Variants in UBE2H observed in about 807,000 individuals in gnomAD.
UBE2H encodes ubiquitin conjugating enzyme E2 H.
UBE2H carries 3 observed loss-of-function variants against 29.0 expected under a neutral mutation model. The ratio of observed to expected loss-of-function variants is 0.10; its 90% CI spans 0.05 to 0.27. The LOEUF (loss-of-function observed/expected upper bound fraction) is 0.27, where lower values mean the gene tolerates loss of function less well. UBE2H is among the 10% of genes least tolerant of loss of function. The pLI is 1.00. For synonymous variants in UBE2H, 69 were observed against 82.9 expected, an observed-to-expected ratio of 0.83 and a Z score of 0.91; for missense variants, 68 against 228.2, an observed-to-expected ratio of 0.30 and a Z score of 4.52.
chr7:129,848,835 G>A (rs1805557973), intron 5 of UBE2H, among the ~76,000 whole-genome samples: 1 of 106,700 alleles, frequency 9.4e-6, no homozygotes, highest in Non-Finnish European at 2.1e-5. Context: ...AAACCAGGTA[G>A]CTTTTTTTTT....
At chr7:129,879,829 C>G (rs1806219164) in intron 2 of UBE2H, among the ~76,000 whole-genome samples, 187 bp from the exon 3 acceptor site, 1 of 152,128 alleles carries the variant, frequency 6.6e-6, no homozygotes, top group Non-Finnish European at 1.5e-5. Context: ...TGGAAAGATC[C>G]AGAGTTAAAA....
rs1403912231 is a variant in UBE2H at position 129,834,425 on chromosome 7, A to C, written c.*512T>G. Reference sequence around the variant, plus strand: ...GAAGACATAGGGCCACCTAGGATTCACAGGAAGGAGCAGCTCTGATTCTTA... The same window carrying C: ...GAAGACATAGGGCCACCTAGGATTCCCAGGAAGGAGCAGCTCTGATTCTTA... On this transcript the variant is annotated 3_prime_UTR_variant, in exon 7 of 7. Transcript: ENST00000355621. 6.5e-6 allele frequency: 1 copy of C among 153,280 alleles called. No individual in the cohort carries two copies. Among genetic ancestry groups the C allele is most frequent in the Non-Finnish European group, 1.5e-5 (1 of 68,540 alleles). The allele number at this position is 153,280 out of a possible 1,614,324, so 9.5% of individuals were successfully genotyped here.
chr7:129,952,611 C>G lies in UBE2H; in HGVS notation c.-56G>C. 6.3e-7 allele frequency: 1 copy of G among 1,597,048 alleles called. No individual in the cohort carries two copies. ...GCCCGTCTGTCACGGGCCCGGGGCC[C>G]CGGCTCTGAGGAGCCCGCGGCCGCG... is the stretch of plus-strand genomic sequence containing the variant. On this transcript the variant is annotated 5_prime_UTR_variant, in exon 1 of 7. Transcript: ENST00000355621.
chr7:129,923,309 C>G, intron 1 of UBE2H, among the ~76,000 whole-genome samples: 1 of 152,116 alleles, frequency 6.6e-6, no homozygotes, highest in East Asian at 1.9e-4. Context: ...TGGTTTTATT[C>G]ACAACTATGT....
chr7:129,869,365 T>G (rs1383134743), intron 3 of UBE2H, among the ~76,000 whole-genome samples: 8 of 152,156 alleles, frequency 5.3e-5, no homozygotes, highest in Non-Finnish European at 7.4e-5. Flanking sequence ...TTTAGACATC[T>G]CCTATCCTAC....
chr7:129,910,604 C>CA (rs1479998678), intron 1 of UBE2H, among the ~76,000 whole-genome samples: 1 of 151,970 alleles, frequency 6.6e-6, no homozygotes, highest in African/African-American at 2.4e-5. Flanking sequence ...ATCAGATGTA[C>CA]AAAAAACAGT....
intron 5 of UBE2H, chr7:129,839,737 G>C: frequency 4.1e-6 from 1 of 243,996 alleles, no homozygotes; most frequent in South Asian, 4.5e-5. Context: ...TTGAGACAGA[G>C]TCTTGCTCTA....
intron 1 of UBE2H, among the ~76,000 whole-genome samples, chr7:129,888,087 G>C (rs1225775083): frequency 6.6e-6 from 1 of 152,150 alleles, no homozygotes; most frequent in Non-Finnish European, 1.5e-5. Flanking sequence ...GCTAACCAAA[G>C]CTCTTAAACT....
chr7:129,898,274 A>T (rs1806639604), intron 1 of UBE2H, among the ~76,000 whole-genome samples: 1 of 152,214 alleles, frequency 6.6e-6, no homozygotes, highest in African/African-American at 2.4e-5. Flanking sequence ...CTGCCATATT[A>T]GCAAAACTGC....
At chr7:129,939,937 C>A (rs150573606) in intron 1 of UBE2H, among the ~76,000 whole-genome samples, 1 of 149,884 alleles carries the variant, frequency 6.7e-6, no homozygotes, top group Non-Finnish European at 1.5e-5. Flanking sequence ...CCAGACTGGG[C>A]GACAACATGA....
chr7:129,883,142 G>A (rs1206598260), intron 1 of UBE2H, among the ~76,000 whole-genome samples: 1 of 152,140 alleles, frequency 6.6e-6, no homozygotes, highest in Non-Finnish European at 1.5e-5. Flanking sequence ...CGAAAGAGCT[G>A]GATAAAATCT....
At chr7:129,853,514 G>A (rs919354775) in intron 5 of UBE2H, among the ~76,000 whole-genome samples, 4 of 152,164 alleles carry the variant, frequency 2.6e-5, no homozygotes, top group African/African-American at 9.7e-5. Context: ...CTTCATACTT[G>A]ATAACTTCAT....
At chr7:129,924,987 A>G (rs1309784605) in intron 1 of UBE2H, among the ~76,000 whole-genome samples, 4 of 152,162 alleles carry the variant, frequency 2.6e-5, no homozygotes, top group Non-Finnish European at 2.9e-5. Flanking sequence ...TTTTCCTTTA[A>G]TGCTCAAGGT....
chr7:129,864,556 C>CTTTTT (rs367930226), intron 3 of UBE2H, among the ~76,000 whole-genome samples: 3,119 of 130,880 alleles, frequency 0.024, 156 homozygotes, highest in Middle Eastern at 0.038. Context: ...TCTTTTCTTT[C>CTTTTT]TTTTTTTTTT....
intron 3 of UBE2H, among the ~76,000 whole-genome samples, chr7:129,864,461 C>T (rs1280703966): frequency 6.6e-6 from 1 of 151,836 alleles, no homozygotes; most frequent in East Asian, 1.9e-4. Flanking sequence ...TTGAAAACTG[C>T]TTTTATGGCA....
In UBE2H at chr7:129,832,505, C is replaced by CTT. The variant is rs1805247996; in HGVS notation, c.*2431_*2432insAA. The CTT allele has an allele frequency of 6.6e-6, 1 of 150,586 alleles. No homozygotes were observed. Among genetic ancestry groups the CTT allele is most frequent in the Non-Finnish European group, 1.5e-5 (1 of 67,660 alleles). The allele number at this position is 150,586 out of a possible 1,614,324, so 9.3% of individuals were successfully genotyped here. ...ACACATGTGCACACATACACACACT[C>CTT]TCTCTCTCTGCAGCCACACTCAAAT... On this transcript the variant is annotated 3_prime_UTR_variant, in exon 7 of 7. Coordinates refer to ENST00000355621, the MANE Select transcript of UBE2H (RefSeq NM_003344.4).
chr7:129,881,175 C>T (rs541681706), intron 1 of UBE2H, among the ~76,000 whole-genome samples: 23 of 152,248 alleles, frequency 1.5e-4, no homozygotes, highest in African/African-American at 5.1e-4. Context: ...CAGAGACGGC[C>T]GTTCAAATCC....
chr7:129,852,482 T>A (rs1425992469), intron 5 of UBE2H, among the ~76,000 whole-genome samples: 3 of 147,346 alleles, frequency 2.0e-5, no homozygotes, highest in Non-Finnish European at 3.0e-5. Flanking sequence ...AAAAAAAAAA[T>A]TTGTATCTCT....
intron 1 of UBE2H, among the ~76,000 whole-genome samples, chr7:129,891,169 T>A (rs1223761174): frequency 6.6e-6 from 1 of 151,700 alleles, no homozygotes; most frequent in East Asian, 1.9e-4. Context: ...ATCAATTAAA[T>A]CTGAGCCTCT....
Sources: allele counts gnomAD v4.1 joint callset (sites outside exome capture counted in the v4.1 genomes callset), GRCh38; gene constraint gnomAD v4.1.1; transcripts MANE v1.5; gene names NCBI Gene and HGNC (gene_info 2026-07-23, HGNC 2026-07-21).